Variants in RBFOX1 observed in about 807,000 individuals in gnomAD.
RBFOX1 encodes RNA binding protein fox-1 homolog 1.
RBFOX1 carries 8 observed loss-of-function variants against 57.7 expected under a neutral mutation model. The ratio of observed to expected loss-of-function variants is 0.14; its 90% CI spans 0.08 to 0.25. The LOEUF (loss-of-function observed/expected upper bound fraction) is 0.25. Ranked by LOEUF, RBFOX1 falls within the 10% of genes least tolerant of loss-of-function variation. The probability of loss-of-function intolerance (pLI) is 1.00; values close to 1 mark genes in which losing one functional copy is unlikely to be tolerated. For missense variants in RBFOX1, 611 were observed against 548.5 expected, an observed-to-expected ratio of 1.11 and a Z score of -1.14; for synonymous variants, 326 against 222.4, an observed-to-expected ratio of 1.47 and a Z score of -4.15.
chr16:5,424,920 TTTCTTTC>T (rs2067483564), intron 1 of RBFOX1, among the ~76,000 whole-genome samples: 3 of 113,168 alleles, frequency 2.7e-5, no homozygotes, highest in Admixed American at 8.7e-5. Context: ...TCTTTCTTTC[TTTCTTTC>T]TTTCTTTCTC....
chr16:6,096,215 C>G (rs1340737929), intron 1 of RBFOX1, among the ~76,000 whole-genome samples: 3 of 152,112 alleles, frequency 2.0e-5, no homozygotes, highest in African/African-American at 7.2e-5. Context: ...GAGCATTGTC[C>G]TGCTGAATTA....
chr16:5,523,930 C>T (rs757048450), intron 2 of RBFOX1, among the ~76,000 whole-genome samples: 21 of 152,098 alleles, frequency 1.4e-4, no homozygotes, highest in Non-Finnish European at 2.2e-4. Flanking sequence ...GAAGGTTAAG[C>T]GCCCCTCCGC....
rs761752331 is a variant in RBFOX1, at chr16:6,537,156, T to A, written c.-63-117447T>A. Among the ~76,000 whole-genome samples, 10 of 152,196 alleles carry A rather than the reference T, an allele frequency of 6.6e-5. No homozygotes were observed. In the South Asian group the frequency reaches 2.1e-3, roughly 32 times the overall value. ...GTGAGCACAGGGATCTTTCCAGGAA[T>A]CTTCCTACAATGCATATTCTGTTTC... On this transcript the variant is annotated intron_variant, in intron 2 of 15. Transcript: ENST00000550418.
In RBFOX1 at chr16:5,774,957, G is replaced by A. The variant is rs561181834; in HGVS notation, c.319-92346G>A. Among the ~76,000 whole-genome samples, 13 of 152,220 alleles carry A rather than the reference G, an allele frequency of 8.5e-5. 1 individual carries two copies. In the South Asian group the frequency reaches 1.7e-3, roughly 19 times the overall value. ...TTCGGCCTCCCAAAGTGTTGAGATT[G>A]CAGGAATGAGACATTGCACCCAGCT... On this transcript the variant is annotated intron_variant, in intron 3 of 19. Transcript: ENST00000641259.
intron 2 of RBFOX1, among the ~76,000 whole-genome samples, chr16:6,527,861 T>C (rs1216290609): frequency 6.6e-6 from 1 of 152,122 alleles, no homozygotes; most frequent in East Asian, 1.9e-4. Flanking sequence ...AAGGCCTCCT[T>C]ATGCACAATT....
At chr16:6,586,024 C>T (rs186516848) in intron 2 of RBFOX1, among the ~76,000 whole-genome samples, 1 of 152,274 alleles carries the variant, frequency 6.6e-6, no homozygotes, top group Non-Finnish European at 1.5e-5. Context: ...ATATATACTG[C>T]AATGTATAGA....
intron 2 of RBFOX1, among the ~76,000 whole-genome samples, chr16:6,602,955 G>A (rs572754653): frequency 5.3e-5 from 8 of 152,260 alleles, no homozygotes; most frequent in African/African-American, 1.9e-4. Context: ...CCTGACTTGA[G>A]CCGGTGCTGT....
intron 1 of RBFOX1, among the ~76,000 whole-genome samples, chr16:6,243,701 G>A (rs1470566571): frequency 6.6e-6 from 1 of 152,188 alleles, no homozygotes; most frequent in Non-Finnish European, 1.5e-5. Context: ...TTGGGGATGA[G>A]AACCTGGTTC....
chr16:7,650,474 A>G (rs2064804943), intron 11 of RBFOX1, among the ~76,000 whole-genome samples: 1 of 152,132 alleles, frequency 6.6e-6, no homozygotes, highest in Non-Finnish European at 1.5e-5. Flanking sequence ...GAAGCCTTGT[A>G]AATATCCTGC....
chr16:6,487,105 C>T (rs548918456), intron 2 of RBFOX1, among the ~76,000 whole-genome samples: 1 of 151,168 alleles, frequency 6.6e-6, no homozygotes, highest in African/African-American at 2.4e-5. Flanking sequence ...AATAAAGTTT[C>T]TATGAAAAGT....
chr16:6,894,781 A>T (rs1202234766), intron 3 of RBFOX1, among the ~76,000 whole-genome samples: 1 of 152,136 alleles, frequency 6.6e-6, no homozygotes, highest in Non-Finnish European at 1.5e-5. Flanking sequence ...TTAAAAAGCC[A>T]TTTTCCCTGT....
At chr16:5,801,422 A>G (rs2055052775) in intron 3 of RBFOX1, among the ~76,000 whole-genome samples, 1 of 151,942 alleles carries the variant, frequency 6.6e-6, no homozygotes, top group African/African-American at 2.4e-5. Flanking sequence ...TAGGAAAACA[A>G]ATTTCTTTTC....
chr16:5,868,551 T>C (rs958828191), intron 4 of RBFOX1, among the ~76,000 whole-genome samples: 1 of 152,204 alleles, frequency 6.6e-6, no homozygotes, highest in Non-Finnish European at 1.5e-5. Flanking sequence ...GAGATCATTA[T>C]CCACAAGTAT....
intron 3 of RBFOX1, among the ~76,000 whole-genome samples, chr16:5,795,549 C>T (rs903464451): frequency 1.3e-5 from 2 of 152,100 alleles, no homozygotes; most frequent in African/African-American, 4.8e-5. Context: ...CCTTGGCCTC[C>T]CAAAGTGCTA....
At chr16:7,569,859 T>A (rs2092591180) in intron 5 of RBFOX1, among the ~76,000 whole-genome samples, 3 of 151,936 alleles carry the variant, frequency 2.0e-5, no homozygotes, top group South Asian at 4.1e-4. Flanking sequence ...CGCCTCTGTC[T>A]CCAAAAAAAA....
At chr16:7,580,899 G>A (rs370708878) in intron 6 of RBFOX1, among the ~76,000 whole-genome samples, 3 of 152,112 alleles carry the variant, frequency 2.0e-5, no homozygotes, top group Non-Finnish European at 4.4e-5. Flanking sequence ...GAGCAATGGT[G>A]GGCTTCTCAG....
chr16:6,350,502 G>C (rs1381907432), intron 2 of RBFOX1, among the ~76,000 whole-genome samples: 1 of 114,688 alleles, frequency 8.7e-6, no homozygotes, highest in Non-Finnish European at 1.7e-5. Context: ...AAAAAAAACA[G>C]TGTTCTCTAG....
intron 1 of RBFOX1, among the ~76,000 whole-genome samples, chr16:5,295,901 A>G (rs2063655567): frequency 6.6e-6 from 1 of 152,226 alleles, no homozygotes; most frequent in Non-Finnish European, 1.5e-5. Context: ...TCTTACCTCT[A>G]GGACTGTAGT....
intron 1 of RBFOX1, among the ~76,000 whole-genome samples, chr16:5,258,930 C>G (rs535306338): frequency 7.0e-4 from 106 of 151,896 alleles, no homozygotes; most frequent in Non-Finnish European, 1.2e-3. Flanking sequence ...AAAAAGAAGT[C>G]TCTCACTGTG....
Sources: gnomAD v4.1 joint callset for allele counts (sites outside exome capture counted in the v4.1 genomes callset) on GRCh38, gnomAD v4.1.1 for gene constraint, MANE v1.5 for transcripts, NCBI Gene and HGNC (gene_info 2026-07-23, HGNC 2026-07-21) for gene names.